The following HSD11B1 variants were observed in gnomAD, a reference collection of about 807,000 sequenced individuals.
HSD11B1 encodes the protein 11-beta-hydroxysteroid dehydrogenase 1.
Under a neutral mutation model 22.1 loss-of-function variants are expected in HSD11B1, and 15 were observed. The observed-to-expected ratio is 0.68, with a 90% CI of 0.45 to 1.04. The LOEUF (loss-of-function observed/expected upper bound fraction) is 1.04, where lower values mean the gene tolerates loss of function less well. HSD11B1 is among the 50% of genes least tolerant of loss of function. The pLI is 0.00. For missense variants in HSD11B1, 281 were observed against 357.6 expected, an observed-to-expected ratio of 0.79 and a Z score of 1.73; for synonymous variants, 122 against 125.2, an observed-to-expected ratio of 0.97 and a Z score of 0.17.
At chr1:209,699,293 A>G (rs1284653781) in intron 1 of HSD11B1, among the ~76,000 whole-genome samples, 1 of 152,174 alleles carries the variant, frequency 6.6e-6, no homozygotes, top group Non-Finnish European at 1.5e-5. Context: ...CACACTGCTG[A>G]TAAAGACATA....
chr1:209,703,197 A>G (rs2076835185), upstream of HSD11B1, among the ~76,000 whole-genome samples: 2 of 152,218 alleles, frequency 1.3e-5, no homozygotes, highest in Non-Finnish European at 2.9e-5. Flanking sequence ...GACAATAAAC[A>G]TCCCTAGTCT....
chr1:209,695,383 G>A (rs986884647), intron 1 of HSD11B1, among the ~76,000 whole-genome samples: 2 of 152,170 alleles, frequency 1.3e-5, no homozygotes, highest in Non-Finnish European at 2.9e-5. Context: ...AATATGGAGA[G>A]GGAGGAATAA....
intron 4 of HSD11B1, among the ~76,000 whole-genome samples, chr1:209,708,725 G>A (rs1394575386): frequency 6.6e-6 from 1 of 152,222 alleles, no homozygotes; most frequent in East Asian, 1.9e-4. Flanking sequence ...TTTGACGAAT[G>A]TAACTTTCTA....
chr1:209,732,872 A>G (rs2077044341), intron 5 of HSD11B1, among the ~76,000 whole-genome samples: 1 of 151,798 alleles, frequency 6.6e-6, no homozygotes. Context: ...CTGAATAATG[A>G]CCTGCAGATG....
intron 1 of HSD11B1, among the ~76,000 whole-genome samples, chr1:209,695,814 A>T (rs947417459): frequency 1.3e-5 from 2 of 152,088 alleles, no homozygotes; most frequent in African/African-American, 2.4e-5. Context: ...TCAAAAAAAT[A>T]AAAAAAAGTT....
chr1:209,712,756 G>T (rs984574266), intron 4 of HSD11B1, among the ~76,000 whole-genome samples: 3 of 152,150 alleles, frequency 2.0e-5, no homozygotes, highest in Admixed American at 2.0e-4. Context: ...GAAGCCTTAA[G>T]AATGTTTCCT....
Position 209,706,806 on chromosome 1 carries a change from C to A in HSD11B1, c.317C>A (p.Ala106Glu), listed in dbSNP as rs1266814301. Residue 106 changes from alanine to glutamate, a missense_variant, in exon 3 of 6, where the codon GCA (alanine) becomes GAA (glutamate). Transcript: ENST00000367027. This position sits in a 1 kb window ranked among gnomAD's most constrained non-coding sequence, Gnocchi z 4.0. ...TTCGCAGAGCAATTTGTTGCCCAAG[C>A]AGGAAAGCTCATGGGTGAGGCTGTT... ...MTFAEQFVAQAGKLMGGLDML... is the reference protein window; with the variant it reads ...MTFAEQFVAQEGKLMGGLDML... 1 of 1,613,786 alleles carries A rather than the reference C, an allele frequency of 6.2e-7. No homozygotes were observed. Among genetic ancestry groups the A allele is most frequent in the African/African-American group, 1.3e-5 (1 of 74,920 alleles).
At chr1:209,698,167 T>TTAGATAGATAGATAGA (rs3059689) in intron 1 of HSD11B1, among the ~76,000 whole-genome samples, 1 of 146,592 alleles carries the variant, frequency 6.8e-6, no homozygotes, top group African/African-American at 2.5e-5. Context: ...GATAGATAGA[T>TTAGATAGATAGATAGA]TAGATAGATA....
At chr1:209,692,830 G>A (rs1250566792) in intron 1 of HSD11B1, among the ~76,000 whole-genome samples, 1 of 152,140 alleles carries the variant, frequency 6.6e-6, no homozygotes, top group Non-Finnish European at 1.5e-5. Context: ...CTAAGGATCT[G>A]CCCTTAGTTC....
intron 4 of HSD11B1, among the ~76,000 whole-genome samples, chr1:209,712,944 G>T (rs1558193331): frequency 6.6e-6 from 1 of 152,148 alleles, no homozygotes; most frequent in Admixed American, 6.5e-5. Flanking sequence ...AGCTACTTGG[G>T]AGGCTGAGGC....
At chr1:209,692,613 G>GC (rs2076767727) in intron 1 of HSD11B1, among the ~76,000 whole-genome samples, 1 of 71,082 alleles carries the variant, frequency 1.4e-5, no homozygotes, top group Non-Finnish European at 3.1e-5. Flanking sequence ...ATGGCGGGGG[G>GC]GGGGGTGGGG....
intron 1 of HSD11B1, among the ~76,000 whole-genome samples, chr1:209,694,585 A>C (rs1445990974): frequency 6.6e-6 from 1 of 152,220 alleles, no homozygotes; most frequent in Non-Finnish European, 1.5e-5. Context: ...TGTAATAGGT[A>C]GTTTGGACTT....
chr1:209,700,114 C>T (rs1393445770), upstream of HSD11B1, among the ~76,000 whole-genome samples: 2 of 152,222 alleles, frequency 1.3e-5, no homozygotes, highest in African/African-American at 4.8e-5. Context: ...GTCTGGAGGA[C>T]ATTGGCCTTC....
intron 4 of HSD11B1, among the ~76,000 whole-genome samples, chr1:209,731,585 G>C (rs1215495732): frequency 1.3e-5 from 2 of 152,176 alleles, no homozygotes; most frequent in Non-Finnish European, 2.9e-5. Context: ...CTCCTAAAAA[G>C]GGTATTAATA....
intron 4 of HSD11B1, among the ~76,000 whole-genome samples, chr1:209,708,574 T>G (rs1433123459): frequency 2.0e-5 from 3 of 152,198 alleles, no homozygotes; most frequent in Non-Finnish European, 2.9e-5. Flanking sequence ...AGATGCATAC[T>G]GAGTGGGAGG....
chr1:209,694,246 T>C (rs905729340), intron 1 of HSD11B1, among the ~76,000 whole-genome samples: 2 of 152,202 alleles, frequency 1.3e-5, no homozygotes, highest in African/African-American at 4.8e-5. Flanking sequence ...AAGAATCAGT[T>C]CATCCATTAC....
chr1:209,724,780 T>C (rs552334593), intron 4 of HSD11B1, among the ~76,000 whole-genome samples: 1 of 152,342 alleles, frequency 6.6e-6, no homozygotes, highest in African/African-American at 2.4e-5. Context: ...AAGAACACAC[T>C]TGTGAATAGA....
At chr1:209,729,125 G>A (rs1347981878) in intron 4 of HSD11B1, among the ~76,000 whole-genome samples, 2 of 152,140 alleles carry the variant, frequency 1.3e-5, no homozygotes, top group African/African-American at 2.4e-5. Context: ...TTGGGAGGCC[G>A]AGGCAGGTGG....
chr1:209,725,969 A>C (rs2076998377), intron 4 of HSD11B1, among the ~76,000 whole-genome samples: 1 of 152,186 alleles, frequency 6.6e-6, no homozygotes, highest in African/African-American at 2.4e-5. Context: ...CATAGTCTTC[A>C]CAATAAAGGC....
Sources: allele counts gnomAD v4.1 joint callset (sites outside exome capture counted in the v4.1 genomes callset), GRCh38; gene constraint gnomAD v4.1.1; non-coding constraint Gnocchi (gnomAD v3.1); transcripts MANE v1.5; gene names NCBI Gene and HGNC (gene_info 2026-07-23, HGNC 2026-07-21).